The following PLSCR2 variants were observed in gnomAD, a reference collection of about 807,000 sequenced individuals.
The protein encoded by PLSCR2 is phospholipid scramblase 2.
A neutral mutation model predicts 25.3 loss-of-function variants in PLSCR2; 18 were observed. That is an observed-to-expected ratio of 0.71 (90% CI 0.49 to 1.06). The LOEUF is 1.06. Ranked by LOEUF, PLSCR2 falls within the 50% of genes least tolerant of loss-of-function variation. The pLI is 0.00. For missense variants in PLSCR2, 243 were observed against 269.5 expected (o/e 0.90, Z 0.69); for synonymous variants, 88 against 87.3 (o/e 1.01, Z -0.04).
At chr3:146,394,481 G>A (rs1366164508) in intron 3 of PLSCR2, among the ~76,000 whole-genome samples, 2 of 152,062 alleles carry the variant, frequency 1.3e-5, no homozygotes, top group African/African-American at 2.4e-5. Flanking sequence ...GGTCAAGCTG[G>A]TCTCGAACTC....
chr3:146,458,517 C>T, intron 2 of PLSCR2, 64 bp from the exon 3 acceptor site: 2 of 1,168,142 alleles, frequency 1.7e-6, no homozygotes, highest in East Asian at 3.0e-5. Context: ...AATTACTATT[C>T]ATGTTTTTAT....
intron 5 of PLSCR2, among the ~76,000 whole-genome samples, chr3:146,451,107 C>CTTTT (rs58373001): frequency 5.4e-4 from 43 of 79,492 alleles, no homozygotes; most frequent in Middle Eastern, 0.014. Context: ...ATTAAGTTTT[C>CTTTT]TTTTTTTTTT....
downstream of PLSCR2, among the ~76,000 whole-genome samples, chr3:146,430,069 G>C (rs1211583111): frequency 6.6e-6 from 1 of 152,062 alleles, no homozygotes; most frequent in African/African-American, 2.4e-5. Flanking sequence ...ATTTAAAAGG[G>C]AGGCAAAGTA....
At chr3:146,451,107 C>CTTTTTTTTT (rs58373001) in intron 5 of PLSCR2, among the ~76,000 whole-genome samples, 2 of 79,478 alleles carry the variant, frequency 2.5e-5, no homozygotes, top group Non-Finnish European at 4.7e-5. Context: ...ATTAAGTTTT[C>CTTTTTTTTT]TTTTTTTTTT....
At chr3:146,402,453 C>T (rs1165638738) in intron 2 of PLSCR2, among the ~76,000 whole-genome samples, 3 of 151,980 alleles carry the variant, frequency 2.0e-5, no homozygotes, top group African/African-American at 7.2e-5. Context: ...GTCTAACATA[C>T]ATTAAACATT....
chr3:146,489,833 C>G (rs1024393451), intron 1 of PLSCR2, among the ~76,000 whole-genome samples: 7 of 151,972 alleles, frequency 4.6e-5, no homozygotes, highest in African/African-American at 1.7e-4. Context: ...TTGAAGCTAC[C>G]TTTTTCCATG....
At chr3:146,460,581 G>T (rs1022813684), upstream of PLSCR2, among the ~76,000 whole-genome samples, 27 of 152,186 alleles carry the variant, frequency 1.8e-4, no homozygotes, top group African/African-American at 6.5e-4. Flanking sequence ...GGGAGATGGG[G>T]TTGACCCCTG....
At position 146,492,740 on chromosome 3, in the gene PLSCR2, T is replaced by TA. The variant is rs201669463; in HGVS notation, c.-293+3154dup. Among the ~76,000 whole-genome samples the TA allele has an allele frequency of 9.0e-3, 1,347 of 150,300 alleles. 14 individuals are homozygous for TA. The highest frequency in any genetic ancestry group is 0.024 in the African/African-American group (1,003 of 41,130). On this transcript the variant is annotated intron_variant, in intron 1 of 8. Coordinates refer to the PLSCR2 transcript ENST00000336685. ...GCTAACATCACACCTGGAGGAATTT[T>TA]AAAAAAAAAGAAGAGGAAACCAACC...
intron 2 of PLSCR2, among the ~76,000 whole-genome samples, chr3:146,424,844 C>A (rs1362271459): frequency 6.6e-6 from 1 of 151,878 alleles, no homozygotes; most frequent in Non-Finnish European, 1.5e-5. Flanking sequence ...TTCAAATAAC[C>A]CTATTTTACT....
intron 2 of PLSCR2, among the ~76,000 whole-genome samples, chr3:146,400,535 A>G (rs1335091792): frequency 2.0e-5 from 3 of 151,626 alleles, no homozygotes; most frequent in African/African-American, 7.2e-5. Context: ...AAGATTCAAT[A>G]TTAATAAGAT....
At chr3:146,429,639 T>C (rs2039473712), downstream of PLSCR2, among the ~76,000 whole-genome samples, 1 of 152,074 alleles carries the variant, frequency 6.6e-6, no homozygotes, top group South Asian at 2.1e-4. Flanking sequence ...ATTTATTTTT[T>C]TTTTGAGATG....
chr3:146,407,987 G>C (rs1324528992), intron 2 of PLSCR2, among the ~76,000 whole-genome samples: 1 of 152,150 alleles, frequency 6.6e-6, no homozygotes, highest in Non-Finnish European at 1.5e-5. Flanking sequence ...CACCTTGTGG[G>C]AGAGAAAGTC....
rs2043285103 is a variant in PLSCR2 at position 146,484,878 on chromosome 3, A to G, written c.-293+11017T>C. Among the ~76,000 whole-genome samples, 3 of 152,090 alleles carry G rather than the reference A, an allele frequency of 2.0e-5. No individual in the cohort carries two copies. The South Asian group carries it at 6.2e-4, about 32-fold the overall frequency. ...CCAATGACACTATGAGGAAACTGCAACTAGTGTCCAATATAACCAAATAGC... is the reference window on the plus strand; with the variant it reads ...CCAATGACACTATGAGGAAACTGCAGCTAGTGTCCAATATAACCAAATAGC... On this transcript the variant is annotated intron_variant, in intron 1 of 8. Transcript: ENST00000336685.
At chr3:146,476,336 G>A (rs2042283123) in intron 1 of PLSCR2, among the ~76,000 whole-genome samples, 1 of 152,222 alleles carries the variant, frequency 6.6e-6, no homozygotes, top group African/African-American at 2.4e-5. Context: ...GGCGCTGAGT[G>A]TTCATGCTAC....
chr3:146,418,156 T>C (rs1260830809), intron 2 of PLSCR2, among the ~76,000 whole-genome samples: 1 of 152,200 alleles, frequency 6.6e-6, no homozygotes, highest in East Asian at 1.9e-4. Context: ...AGGTAATATA[T>C]CTACTGGCTT....
At chr3:146,420,622 T>C (rs1224575700) in intron 2 of PLSCR2, among the ~76,000 whole-genome samples, 1 of 152,080 alleles carries the variant, frequency 6.6e-6, no homozygotes, top group Non-Finnish European at 1.5e-5. Context: ...ATTGATTATC[T>C]CTAGTTTAAT....
At chr3:146,456,137 T>A (rs1037002773) in intron 3 of PLSCR2, among the ~76,000 whole-genome samples, 3 of 152,144 alleles carry the variant, frequency 2.0e-5, no homozygotes, top group Admixed American at 6.5e-5. Flanking sequence ...ACCACGAGCA[T>A]CCTAAGTGAG....
In PLSCR2 at chr3:146,472,828, C is replaced by T. The variant is rs114348923; in HGVS notation, c.-292-12544G>A. Among the ~76,000 whole-genome samples, 547 of 152,296 alleles carry T rather than the reference C, an allele frequency of 3.6e-3. 5 individuals carry two copies. The highest frequency in any genetic ancestry group is 0.013 in the African/African-American group (527 of 41,558). ...TAGTCTGGGTGACTTAAACAGCAGA[C>T]ATTTATTTCTCACAGTTCTAGAATT... On this transcript the variant is annotated intron_variant, in intron 1 of 8. Coordinates refer to the PLSCR2 transcript ENST00000336685.
chr3:146,493,699 A>G (rs509807), intron 1 of PLSCR2, among the ~76,000 whole-genome samples: 2 of 148,878 alleles, frequency 1.3e-5, no homozygotes, highest in Non-Finnish European at 3.0e-5. Flanking sequence ...GAGTAATTTT[A>G]TTAGGCAATA....
Sources: allele counts gnomAD v4.1 joint callset (sites outside exome capture counted in the v4.1 genomes callset), GRCh38; gene constraint gnomAD v4.1.1; transcripts MANE v1.5; gene names NCBI Gene and HGNC (gene_info 2026-07-23, HGNC 2026-07-21).